The following MEF2A variants were observed in gnomAD, a reference collection of about 807,000 sequenced individuals.
The protein encoded by MEF2A is myocyte-specific enhancer factor 2A.
In MEF2A, 28 loss-of-function variants were observed where a neutral mutation model predicts 55.8. The ratio of observed to expected loss-of-function variants is 0.50; its 90% CI spans 0.37 to 0.69. The LOEUF is 0.69. MEF2A is among the 30% of genes least tolerant of loss of function. The pLI, the probability that MEF2A is intolerant of heterozygous loss-of-function variation, is 0.00. For missense variants in MEF2A, 528 were observed against 626.2 expected, an observed-to-expected ratio of 0.84 and a Z score of 1.67; for synonymous variants, 239 against 227.1, an observed-to-expected ratio of 1.05 and a Z score of -0.47.
At chr15:99,665,705 C>T (rs1417652850) in intron 4 of MEF2A, among the ~76,000 whole-genome samples, 6 of 115,590 alleles carry the variant, frequency 5.2e-5, no homozygotes, top group African/African-American at 1.4e-4. Flanking sequence ...GGTTAATATC[C>T]GGAATCTACA....
chr15:99,617,155 A>G (rs2040332597), intron 2 of MEF2A, among the ~76,000 whole-genome samples: 1 of 152,042 alleles, frequency 6.6e-6, no homozygotes, highest in African/African-American at 2.4e-5. Context: ...CTCACACATC[A>G]TCATTTCTTA....
chr15:99,587,701 AAT>A (rs1967806747), intron 1 of MEF2A, among the ~76,000 whole-genome samples: 1 of 152,220 alleles, frequency 6.6e-6, no homozygotes, highest in Non-Finnish European at 1.5e-5. Context: ...TTTTGAAACT[AAT>A]ATAACATATT....
In MEF2A at chr15:99,706,779, A is replaced by G. The variant is rs1441427948; in HGVS notation, c.933A>G (p.Pro311=). Residue 311 remains proline (P), a synonymous_variant, in exon 10 of 12, where the codon CCA becomes CCG. Transcript: ENST00000557942. ...SSQATQPLAT[P]VVSVTTPSLP... ...AAGCCACTCAACCTCTTGCTACCCC[A>G]GTCGTGTCTGTGACAACCCCAAGCT... 1.2e-6 allele frequency: 2 copies of G among 1,613,972 alleles called. No individual in the cohort carries two copies. The highest frequency in any genetic ancestry group is 8.5e-7 in the Non-Finnish European group (1 of 1,179,860).
At chr15:99,700,517 CACA>C (rs1412031153) in intron 8 of MEF2A, among the ~76,000 whole-genome samples, 1 of 151,078 alleles carries the variant, frequency 6.6e-6, no homozygotes, top group Non-Finnish European at 1.5e-5. Context: ...GTCACACACA[CACA>C]AAAAAGGTAC....
intron 1 of MEF2A, among the ~76,000 whole-genome samples, chr15:99,589,787 A>G (rs905165530): frequency 1.3e-5 from 2 of 152,104 alleles, no homozygotes; most frequent in Non-Finnish European, 2.9e-5. Context: ...AAAATGTCCC[A>G]AAATAGAAAT....
At chr15:99,615,060 A>C (rs2039971133) in intron 2 of MEF2A, among the ~76,000 whole-genome samples, 1 of 152,212 alleles carries the variant, frequency 6.6e-6, no homozygotes, top group Admixed American at 6.5e-5. Flanking sequence ...GAGGGAAATA[A>C]AAGTGCCTGC....
chr15:99,565,526 CGCCGGG>C (rs1959165483), upstream of MEF2A: 2 of 151,002 alleles, frequency 1.3e-5, no homozygotes, highest in Admixed American at 1.3e-4. Flanking sequence ...GGCGCGACGC[CGCCGGG>C]CCGCCCCGCC....
At chr15:99,649,820 A>G (rs144363885) in intron 4 of MEF2A, among the ~76,000 whole-genome samples, 4 of 152,324 alleles carry the variant, frequency 2.6e-5, no homozygotes, top group African/African-American at 9.6e-5. Context: ...CAAAAGAACA[A>G]TTATGCTAAA....
chr15:99,621,017 A>C (rs552986114), intron 2 of MEF2A: 6 of 151,582 alleles, frequency 4.0e-5, no homozygotes, highest in African/African-American at 1.5e-4. Context: ...GCTGATATTT[A>C]TATTTTTAGT....
rs145592979 is a variant in MEF2A at position 99,642,932 on chromosome 15, A to G, written c.55-2629A>G. 5.5e-4 allele frequency among the ~76,000 whole-genome samples: 84 copies of G among 152,068 alleles called. No individual in the cohort carries two copies. The East Asian group carries it at 0.012, about 22-fold the overall frequency. On this transcript the variant is annotated intron_variant, in intron 3 of 11. Coordinates refer to ENST00000557942, the MANE Select transcript of MEF2A (RefSeq NM_001319206.4). Reference sequence around the variant, plus strand: ...CCCAGTCTCTTTTTTAGTATTATGTATGTGTATGTATGTATGTGTCCATGT... The same window carrying G: ...CCCAGTCTCTTTTTTAGTATTATGTGTGTGTATGTATGTATGTGTCCATGT...
chr15:99,676,039 CAA>C (rs538248724), intron 7 of MEF2A, among the ~76,000 whole-genome samples: 1 of 115,578 alleles, frequency 8.7e-6, no homozygotes. Context: ...GACTCCTTCT[CAA>C]AAAAAAAAAA....
Position 99,596,518 on chromosome 15 carries a change from T to C in MEF2A, c.-224-1912T>C, listed in dbSNP as rs150842772. ...GTTTTTCCCGCCCCCAGAGGAGGTG[T>C]CCGTTTCCAAATAGAAACAAAATCA... On this transcript the variant is annotated intron_variant, in intron 1 of 11. Transcript: ENST00000557942. Among the ~76,000 whole-genome samples the C allele has an allele frequency of 2.8e-3, 420 of 152,268 alleles. 1 individual carries two copies. The highest frequency in any genetic ancestry group is 4.8e-3 in the Non-Finnish European group (327 of 68,018).
chr15:99,699,339 A>G (rs1439846905), intron 8 of MEF2A, among the ~76,000 whole-genome samples: 3 of 152,340 alleles, frequency 2.0e-5, no homozygotes, highest in Non-Finnish European at 4.4e-5. Context: ...GTATGATTCC[A>G]TTTATATTTC....
chr15:99,714,983 TGA>T lies in MEF2A; in HGVS notation c.*2218_*2219del, dbSNP rs1345972978. 1 of 152,106 alleles carries T rather than the reference TGA, an allele frequency of 6.6e-6. No individual in the cohort carries two copies. The highest frequency in any genetic ancestry group is 1.5e-5 in the Non-Finnish European group (1 of 68,036). The allele number at this position is 152,106 out of a possible 1,614,324, so 9.4% of individuals were successfully genotyped here. On this transcript the variant is annotated 3_prime_UTR_variant, in exon 12 of 12. Transcript: ENST00000557942. ...TCATGGCAGTTTGGGCAGTAACTTTTGAGAGAGGCCAAAAAAAGGAGGATGAC... is the reference window on the plus strand; with the variant it reads ...TCATGGCAGTTTGGGCAGTAACTTTTGAGAGGCCAAAAAAAGGAGGATGAC...
chr15:99,598,846 A>T (rs1387868169), intron 2 of MEF2A, among the ~76,000 whole-genome samples: 2 of 152,170 alleles, frequency 1.3e-5, no homozygotes, highest in Admixed American at 1.3e-4. Context: ...TGAGACAGTT[A>T]ATAGGATGAA....
At chr15:99,586,466 T>A (rs1372955471) in intron 1 of MEF2A, among the ~76,000 whole-genome samples, 4 of 152,228 alleles carry the variant, frequency 2.6e-5, no homozygotes, top group Admixed American at 6.5e-5. Context: ...GAGTGGCTCT[T>A]CATACATCTT....
chr15:99,640,087 G>A (rs879367183), intron 3 of MEF2A, among the ~76,000 whole-genome samples: 1 of 152,068 alleles, frequency 6.6e-6, no homozygotes, highest in Non-Finnish European at 1.5e-5. Flanking sequence ...AATCAAGATT[G>A]GTTTTTTTAA....
chr15:99,630,569 T>C (rs1240481360), intron 2 of MEF2A, among the ~76,000 whole-genome samples: 1 of 152,232 alleles, frequency 6.6e-6, no homozygotes, highest in African/African-American at 2.4e-5. Flanking sequence ...TTGGTTTCAG[T>C]TGGGTTTTGA....
At chr15:99,607,466 G>A (rs1056254640) in intron 2 of MEF2A, among the ~76,000 whole-genome samples, 1 of 152,140 alleles carries the variant, frequency 6.6e-6, no homozygotes, top group African/African-American at 2.4e-5. Context: ...ATGATATGAG[G>A]TTAAAAGGTT....
Sources: gnomAD v4.1 joint callset for allele counts (sites outside exome capture counted in the v4.1 genomes callset) on GRCh38, gnomAD v4.1.1 for gene constraint, MANE v1.5 for transcripts, NCBI Gene and HGNC (gene_info 2026-07-23, HGNC 2026-07-21) for gene names.